LRRC37A2: variants seen among roughly 807,000 people sequenced by gnomAD.
LRRC37A2 encodes the protein leucine-rich repeat-containing protein 37A2.
A neutral mutation model predicts 68.8 loss-of-function variants in LRRC37A2; 9 were observed. The ratio of observed to expected loss-of-function variants is 0.13; its 90% CI spans 0.08 to 0.23. The LOEUF is 0.23. Among genes scored for constraint, LRRC37A2 ranks in the 10% least tolerant of loss-of-function variants. The pLI is 1.00. For missense variants in LRRC37A2, 168 were observed against 950.4 expected, an observed-to-expected ratio of 0.18 and a Z score of 10.82; for synonymous variants, 63 against 367.6, an observed-to-expected ratio of 0.17 and a Z score of 9.48.
At chr17:46,978,419 C>T in the LRRC37A2 span, 1 of 531,680 alleles carries the variant, frequency 1.9e-6, no homozygotes, top group Non-Finnish European at 3.2e-6. Context: ...GAACCCTCAC[C>T]CCACATTCTC....
chr17:46,944,563 A>G, the LRRC37A2 span, among the ~76,000 whole-genome samples: 1 of 151,180 alleles, frequency 6.6e-6, no homozygotes, highest in Admixed American at 6.6e-5. Context: ...AGAGATGCCG[A>G]GCTACCTGGT....
chr17:46,968,155 A>G, the LRRC37A2 span, among the ~76,000 whole-genome samples: 1 of 152,070 alleles, frequency 6.6e-6, no homozygotes, highest in Non-Finnish European at 1.5e-5. Context: ...AACAAGCCCC[A>G]TAGAGCACCC....
the LRRC37A2 span, chr17:46,931,004 TTA>T: frequency 5.3e-6 from 4 of 753,168 alleles, no homozygotes; most frequent in Non-Finnish European, 9.7e-6. Context: ...TAGTTCTAGT[TTA>T]TTGGATATTG....
the LRRC37A2 span, among the ~76,000 whole-genome samples, chr17:46,890,761 C>A: frequency 6.6e-6 from 1 of 152,198 alleles, no homozygotes; most frequent in African/African-American, 2.4e-5. Flanking sequence ...GCCATGGGGT[C>A]CCTCAGGAGC....
chr17:46,819,291 G>C, the LRRC37A2 span, among the ~76,000 whole-genome samples: 1 of 152,196 alleles, frequency 6.6e-6, no homozygotes, highest in Non-Finnish European at 1.5e-5. This position sits in a 1 kb window ranked among gnomAD's most constrained non-coding sequence, Gnocchi z 5.3. Flanking sequence ...GTGCGGAAAA[G>C]TCCGCGGAGG....
the LRRC37A2 span, among the ~76,000 whole-genome samples, chr17:46,772,254 C>T: frequency 6.6e-6 from 1 of 152,330 alleles, no homozygotes; most frequent in East Asian, 1.9e-4. Context: ...CACACATCGC[C>T]CCTCCCCCCG....
chr17:46,993,138 A>G, the LRRC37A2 span, among the ~76,000 whole-genome samples: 1 of 152,164 alleles, frequency 6.6e-6, no homozygotes, highest in Middle Eastern at 3.4e-3. Context: ...GTATCTTATA[A>G]TAAATGCAAA....
chr17:46,735,254 A>G, the LRRC37A2 span, among the ~76,000 whole-genome samples: 3 of 152,310 alleles, frequency 2.0e-5, no homozygotes, highest in East Asian at 3.9e-4. Context: ...CTAAATTTTA[A>G]TCATCAGAGA....
chr17:46,847,772 G>A, the LRRC37A2 span, among the ~76,000 whole-genome samples: 1 of 152,190 alleles, frequency 6.6e-6, no homozygotes. Context: ...CTGGGAAGCC[G>A]CATTTCCACT....
the LRRC37A2 span, among the ~76,000 whole-genome samples, chr17:46,966,300 T>C: frequency 6.6e-6 from 1 of 152,202 alleles, no homozygotes; most frequent in Non-Finnish European, 1.5e-5. Flanking sequence ...ACCACTTTTT[T>C]TGAGACAGGG....
At chr17:46,816,508 C>T in the LRRC37A2 span, among the ~76,000 whole-genome samples, 1 of 141,092 alleles carries the variant, frequency 7.1e-6, no homozygotes, top group East Asian at 2.2e-4. Flanking sequence ...CACACACACA[C>T]ACACACACCT....
chr17:46,956,277 CTTTTTTTTTTTTTTTTT>C, the LRRC37A2 span, among the ~76,000 whole-genome samples: 2 of 62,630 alleles, frequency 3.2e-5, no homozygotes, highest in African/African-American at 1.2e-4. Flanking sequence ...CTTGCCAGTC[CTTTTTTTTTTTTTTTTT>C]TTTTTTTTTT....
the LRRC37A2 span, among the ~76,000 whole-genome samples, chr17:46,822,399 T>A: frequency 2.0e-5 from 3 of 152,216 alleles, no homozygotes; most frequent in African/African-American, 4.8e-5. Flanking sequence ...GCCCCTGACC[T>A]GCACCGAGTA....
At chr17:46,569,326 G>A in the LRRC37A2 span, among the ~76,000 whole-genome samples, 10 of 149,792 alleles carry the variant, frequency 6.7e-5, no homozygotes, top group Non-Finnish European at 1.3e-4. Flanking sequence ...TAATTTTGGA[G>A]ATGTTATAAT....
the LRRC37A2 span, among the ~76,000 whole-genome samples, chr17:46,968,065 CTT>C: frequency 6.6e-6 from 1 of 151,994 alleles, no homozygotes; most frequent in African/African-American, 2.4e-5. Context: ...GGATGGGGGC[CTT>C]CTTCAGCTTG....
the LRRC37A2 span, among the ~76,000 whole-genome samples, chr17:46,787,210 G>C: frequency 6.6e-6 from 1 of 151,616 alleles, no homozygotes; most frequent in Admixed American, 6.6e-5. Context: ...CCAAGTGCTG[G>C]GATTACAGGT....
the LRRC37A2 span, among the ~76,000 whole-genome samples, chr17:46,982,224 A>G: frequency 2.4e-4 from 36 of 152,258 alleles, no homozygotes; most frequent in East Asian, 7.7e-4. Context: ...CTTTGGCCCA[A>G]TTGGATTTCT....
chr17:46,972,450 C>T, the LRRC37A2 span, among the ~76,000 whole-genome samples: 1 of 152,244 alleles, frequency 6.6e-6, no homozygotes, highest in Non-Finnish European at 1.5e-5. Flanking sequence ...AAGGGTTGCA[C>T]ACTGGGCACC....
the LRRC37A2 span, among the ~76,000 whole-genome samples, chr17:46,775,654 C>T: frequency 1.4e-5 from 2 of 146,202 alleles, no homozygotes; most frequent in Non-Finnish European, 1.5e-5. Context: ...CGCTGTGTCA[C>T]CCAGGCTGGA....
Sources: allele counts gnomAD v4.1 joint callset (sites outside exome capture counted in the v4.1 genomes callset), GRCh38; gene constraint gnomAD v4.1.1; non-coding constraint Gnocchi (gnomAD v3.1); transcripts MANE v1.5; gene names NCBI Gene and HGNC (gene_info 2026-07-23, HGNC 2026-07-21).